The following CCDC92 variants were observed in gnomAD, a reference collection of about 807,000 sequenced individuals.
CCDC92 encodes the protein coiled-coil domain containing 92.
A neutral mutation model predicts 24.9 loss-of-function variants in CCDC92; 12 were observed. The observed-to-expected ratio is 0.48, with a 90% confidence interval of 0.31 to 0.78. The LOEUF is 0.78. Among genes scored for constraint, CCDC92 ranks in the 30% least tolerant of loss-of-function variants. CCDC92 has a pLI of 0.05. For missense variants in CCDC92, 399 were observed against 439.4 expected (o/e 0.91, Z 0.82); for synonymous variants, 193 against 196.3 (o/e 0.98, Z 0.14).
intron 1 of CCDC92, among the ~76,000 whole-genome samples, chr12:123,967,090 C>T (rs1482549357): frequency 5.3e-5 from 8 of 152,078 alleles, no homozygotes; most frequent in Admixed American, 1.3e-4. Context: ...CTGACTTGAC[C>T]GCTTTATTGA....
intron 1 of CCDC92, chr12:123,968,335 CAAA>C (rs765798615): frequency 6.6e-6 from 1 of 152,176 alleles, no homozygotes; most frequent in Non-Finnish European, 1.5e-5. Context: ...TTCTGATTAA[CAAA>C]GAAGTCTTTA....
intron 4 of CCDC92, among the ~76,000 whole-genome samples, chr12:123,939,683 G>A (rs1420974657): frequency 6.6e-6 from 1 of 152,126 alleles, no homozygotes; most frequent in Non-Finnish European, 1.5e-5. Flanking sequence ...CCCTAAAAAG[G>A]ATGCATGCAG....
chr12:123,959,653 A>G (rs1350909591), intron 1 of CCDC92, among the ~76,000 whole-genome samples: 1 of 152,144 alleles, frequency 6.6e-6, no homozygotes, highest in African/African-American at 2.4e-5. Context: ...AACAATCAGC[A>G]AGATAGGTAT....
intron 1 of CCDC92, among the ~76,000 whole-genome samples, chr12:123,954,007 C>T (rs181850847): frequency 7.2e-5 from 11 of 152,192 alleles, no homozygotes; most frequent in African/African-American, 2.6e-4. Context: ...ATGGTGGACT[C>T]GGTGATTTTT....
At chr12:123,960,674 T>G (rs1413378663) in intron 1 of CCDC92, 1 of 152,218 alleles carries the variant, frequency 6.6e-6, no homozygotes, top group Non-Finnish European at 1.5e-5. Flanking sequence ...GATGACGCTT[T>G]TCTTGGTCTG....
intron 1 of CCDC92, among the ~76,000 whole-genome samples, chr12:123,950,665 G>A (rs1431925456): frequency 1.3e-5 from 2 of 152,188 alleles, no homozygotes; most frequent in East Asian, 3.9e-4. Context: ...AGGCCAGGCT[G>A]ATAGGAGTCC....
rs747767968 is a variant in CCDC92 at position 123,937,440 on chromosome 12, C to A, written c.614G>T (p.Arg205Leu). ...GGGGGCTGAGAGGCTCTTTTTCATG[C>A]GGCGGCGAGGCGTTTCGGGTAGCTT... The part of the protein sequence containing the change: ...KDKLPETPRR[R>L]MKKSLSAPLH... Residue 205 changes from arginine to leucine, a missense_variant, in exon 5 of 5, where the codon CGC becomes CTC. Arg to Leu is a moderately radical substitution (Grantham distance 102). Transcript: ENST00000238156. The surrounding 1 kb of genome is among the most constrained non-coding windows in gnomAD (Gnocchi z 8.4). The A allele has an allele frequency of 1.2e-6, 2 of 1,613,580 alleles. No homozygotes were observed. The highest frequency in any genetic ancestry group is 2.2e-5 in the South Asian group (2 of 91,068).
At chr12:123,959,911 G>C (rs906572345) in intron 1 of CCDC92, among the ~76,000 whole-genome samples, 4 of 152,196 alleles carry the variant, frequency 2.6e-5, no homozygotes, top group Non-Finnish European at 5.9e-5. Context: ...TCAATATGGA[G>C]AGTCATCCAA....
Position 123,972,566 on chromosome 12 carries a change from C to A in CCDC92, c.-97G>T. On this transcript the variant is annotated 5_prime_UTR_variant, in exon 1 of 5. Transcript: ENST00000238156. ...CCGTCGCGTTCCTTCAGGCGGCTGC[C>A]CTCTTAGGCTCGGTCCTCCCGGCGG... 1 of 151,520 alleles carries A rather than the reference C, an allele frequency of 6.6e-6. No homozygotes were observed. Among genetic ancestry groups the A allele is most frequent in the South Asian group, 2.0e-4 (1 of 4,972 alleles). The allele number at this position is 151,520 out of a possible 1,614,324, so 9.4% of individuals were successfully genotyped here.
intron 4 of CCDC92, among the ~76,000 whole-genome samples, chr12:123,941,620 C>T (rs1348501078): frequency 1.3e-5 from 2 of 152,206 alleles, no homozygotes; most frequent in African/African-American, 2.4e-5. Context: ...CTTGTCATTT[C>T]CTTGCTCTAT....
chr12:123,967,785 T>C (rs1956428406), intron 1 of CCDC92, among the ~76,000 whole-genome samples: 1 of 152,242 alleles, frequency 6.6e-6, no homozygotes, highest in Non-Finnish European at 1.5e-5. Flanking sequence ...ATATTGAGAA[T>C]GACAATTTAC....
chr12:123,967,612 A>C (rs904351223), intron 1 of CCDC92, among the ~76,000 whole-genome samples: 7 of 152,178 alleles, frequency 4.6e-5, no homozygotes, highest in African/African-American at 1.7e-4. Context: ...AAATATGGAG[A>C]GCCTAAGATA....
intron 1 of CCDC92, among the ~76,000 whole-genome samples, chr12:123,950,888 TCTGA>T (rs1449785842): frequency 2.0e-5 from 3 of 152,316 alleles, no homozygotes; most frequent in African/African-American, 2.4e-5. Flanking sequence ...CTTGCATCTC[TCTGA>T]CTTTCTTGGG....
At chr12:123,954,751 T>C (rs970644394) in intron 1 of CCDC92, among the ~76,000 whole-genome samples, 1 of 152,258 alleles carries the variant, frequency 6.6e-6, no homozygotes, top group Non-Finnish European at 1.5e-5. Context: ...CAAATACATG[T>C]GCTCCTACCA....
chr12:123,971,494 A>G (rs1024087884), intron 1 of CCDC92: 4 of 152,072 alleles, frequency 2.6e-5, no homozygotes, highest in Middle Eastern at 3.2e-3. Context: ...TAAAAGTTTT[A>G]AAATGGCAAT....
intron 1 of CCDC92, chr12:123,971,308 A>G (rs1369319139): frequency 6.6e-6 from 1 of 152,226 alleles, no homozygotes; most frequent in Non-Finnish European, 1.5e-5. Context: ...ACAGTTAGCC[A>G]AAAGAATTAC....
At chr12:123,958,031 T>C (rs538542795) in intron 1 of CCDC92, among the ~76,000 whole-genome samples, 1 of 151,658 alleles carries the variant, frequency 6.6e-6, no homozygotes, top group South Asian at 2.1e-4. Context: ...TCATGCAAGG[T>C]AGGTATGATT....
rs184378821 is a variant in CCDC92, at chr12:123,937,753, C to T, written c.301G>A (p.Glu101Lys). ...AGTTCTTTCAACAACTCAGCATTTT[C>T]GTTCTCTTTCACTTTCAGTTGGGCT... ...LEAQLKVKEN[E>K]NAELLKELEQ... The change falls in exon 5 of 5, where the codon GAA becomes AAA. Residue 101 changes from glutamate (E) to lysine (K), a missense_variant. Coordinates refer to ENST00000238156, the MANE Select transcript of CCDC92 (RefSeq NM_025140.3). The surrounding 1 kb of genome is among the most constrained non-coding windows in gnomAD (Gnocchi z 8.4). 1.4e-5 allele frequency: 22 copies of T among 1,614,046 alleles called. No homozygotes were observed. Among genetic ancestry groups the T allele is most frequent in the Non-Finnish European group, 1.8e-5 (21 of 1,180,028 alleles).
intron 1 of CCDC92, among the ~76,000 whole-genome samples, chr12:123,971,106 T>C (rs1350075595): frequency 6.6e-6 from 1 of 152,242 alleles, no homozygotes; most frequent in African/African-American, 2.4e-5. Context: ...AGTAAAAATC[T>C]CACACAAATA....
Sources: gnomAD v4.1 joint callset for allele counts (sites outside exome capture counted in the v4.1 genomes callset) on GRCh38, gnomAD v4.1.1 for gene constraint, Gnocchi (gnomAD v3.1) non-coding constraint, MANE v1.5 for transcripts, NCBI Gene and HGNC (gene_info 2026-07-23, HGNC 2026-07-21) for gene names.